Variants in LTA4H observed in about 807,000 individuals in gnomAD.
LTA4H encodes leukotriene A-4 hydrolase.
Under a neutral mutation model 89.8 loss-of-function variants are expected in LTA4H, and 59 were observed. That is an observed-to-expected ratio of 0.66 (90% CI 0.53 to 0.82). The LOEUF is 0.82. Ranked by LOEUF, LTA4H falls within the 40% of genes least tolerant of loss-of-function variation. The pLI is 0.00. For missense variants in LTA4H, 617 were observed against 727.0 expected, an observed-to-expected ratio of 0.85 and a Z score of 1.74; for synonymous variants, 227 against 253.1, an observed-to-expected ratio of 0.90 and a Z score of 0.98.
At chr12:96,017,192 G>T in intron 9 of LTA4H, 78 bp from the exon 10 acceptor site, 2 of 986,190 alleles carry the variant, frequency 2.0e-6, no homozygotes, top group Non-Finnish European at 3.1e-6. Flanking sequence ...AACACTCCAT[G>T]TTATTCAATT....
chr12:96,028,423 GTAGATCACCC>G (rs1950536060), intron 2 of LTA4H, among the ~76,000 whole-genome samples: 1 of 152,120 alleles, frequency 6.6e-6, no homozygotes, highest in African/African-American at 2.4e-5. Context: ...AACAACTGGG[GTAGATCACCC>G]TTGTTCTAGG....
Position 96,029,054 on chromosome 12 carries a change from C to G in LTA4H, c.290+1G>C. 1 of 1,573,918 alleles carries G rather than the reference C, an allele frequency of 6.4e-7. No individual in the cohort carries two copies. Among genetic ancestry groups the G allele is most frequent in the Non-Finnish European group, 8.6e-7 (1 of 1,163,930 alleles). ...AAAGAGAAAGATCATAACATTCATA[C>G]TTGCTCAAAGCGATAGGAAGAGAGA... is the stretch of plus-strand genomic sequence containing the variant. On this transcript the variant is annotated splice_donor_variant, in intron 2 of 18. Transcript: ENST00000228740. LOFTEE classifies it high-confidence loss of function.
upstream of LTA4H, among the ~76,000 whole-genome samples, chr12:96,036,052 CTGTCACGCGGGAGA>C (rs1950640988): frequency 6.6e-6 from 1 of 152,324 alleles, no homozygotes; most frequent in Admixed American, 6.5e-5. Context: ...GTATCCCCGC[CTGTCACGCGGGAGA>C]CCGGGGTTCG....
intron 1 of LTA4H, chr12:96,043,166 G>A (rs913225663): frequency 1.2e-5 from 8 of 664,406 alleles, no homozygotes; most frequent in Non-Finnish European, 1.8e-5. Flanking sequence ...ACTCCCTGAC[G>A]CAACCTGCAG....
intron 6 of LTA4H, among the ~76,000 whole-genome samples, chr12:96,019,899 GTT>G (rs748833448): frequency 5.0e-4 from 60 of 120,870 alleles, no homozygotes; most frequent in Non-Finnish European, 6.9e-4. Context: ...CACGCCCAGC[GTT>G]TTTTTTTTTT....
intron 10 of LTA4H, among the ~76,000 whole-genome samples, chr12:96,016,842 A>G (rs1269481510): frequency 1.3e-5 from 2 of 151,738 alleles, no homozygotes; most frequent in African/African-American, 4.8e-5. Flanking sequence ...CAGAGCTTGC[A>G]GTGAGCTAGA....
intron 1 of LTA4H, among the ~76,000 whole-genome samples, chr12:96,041,634 A>G (rs962794959): frequency 6.6e-6 from 1 of 152,096 alleles, no homozygotes; most frequent in Non-Finnish European, 1.5e-5. Context: ...TCAAAGTAGT[A>G]TAAACCCCCA....
chr12:96,013,117 C>G, intron 14 of LTA4H, 71 bp downstream of exon 14: 1 of 1,197,666 alleles, frequency 8.3e-7, no homozygotes, highest in South Asian at 1.2e-5. Flanking sequence ...GCATACTATT[C>G]TTTCAGATAT....
At chr12:96,038,780 T>C (rs1265029632), upstream of LTA4H, among the ~76,000 whole-genome samples, 2 of 147,560 alleles carry the variant, frequency 1.4e-5, no homozygotes, top group Non-Finnish European at 3.0e-5. Context: ...CTTATTTATC[T>C]AGTATGGAGA....
At chr12:96,019,464 A>G (rs528562535) in intron 6 of LTA4H, among the ~76,000 whole-genome samples, 18 of 152,272 alleles carry the variant, frequency 1.2e-4, no homozygotes, top group African/African-American at 3.6e-4. Context: ...GGCCAAAGGA[A>G]AAAAACCAAG....
intron 2 of LTA4H, among the ~76,000 whole-genome samples, 171 bp downstream of exon 2, chr12:96,028,884 A>G (rs893284587): frequency 6.6e-6 from 1 of 152,232 alleles, no homozygotes; most frequent in Admixed American, 6.5e-5. Context: ...TTAAGTATAT[A>G]TAATTTTAAC....
intron 14 of LTA4H, chr12:96,011,494 C>T (rs1014041225): frequency 3.1e-4 from 47 of 152,188 alleles, no homozygotes; most frequent in African/African-American, 1.0e-3. Flanking sequence ...CTACAGTTTA[C>T]TTCTTGTATT....
chr12:96,041,799 G>A (rs760317157), intron 1 of LTA4H, among the ~76,000 whole-genome samples: 33 of 151,778 alleles, frequency 2.2e-4, no homozygotes, highest in Non-Finnish European at 3.5e-4. Flanking sequence ...CCGCCACCAC[G>A]CCCAGCTAAT....
At chr12:96,020,638 AAATT>A (rs1427388884) in intron 6 of LTA4H, 1 of 161,598 alleles carries the variant, frequency 6.2e-6, no homozygotes, top group Non-Finnish European at 1.3e-5. Context: ...AATGAACAAA[AAATT>A]AAGAAGGAAG....
rs752358414 is a variant in LTA4H at position 96,001,071 on chromosome 12, G to C, written c.1754C>G (p.Ala585Gly). Residue 585 changes from alanine (A) to glycine (G), a missense_variant, in exon 19 of 19, where the codon GCT (alanine) becomes GGT (glycine). This residue lies in a region of LTA4H where 290 missense variants were observed against 339.1 expected (regional missense o/e 0.86). Coordinates refer to ENST00000228740, the MANE Select transcript of LTA4H (RefSeq NM_000895.3). ...TTTGTGCTCTTGGTAGGTTCGGACA[G>C]CTTGATCATGGGATTTGTCAAAGGC... is the stretch of plus-strand genomic sequence containing the variant. Reference protein sequence around the residue: ...LAAFDKSHDQAVRTYQEHKAS... With the variant: ...LAAFDKSHDQGVRTYQEHKAS... 1 of 1,613,966 alleles carries C rather than the reference G, an allele frequency of 6.2e-7. No homozygotes were observed. Among genetic ancestry groups the C allele is most frequent in the Non-Finnish European group, 8.5e-7 (1 of 1,179,944 alleles).
At chr12:96,016,052 G>A (rs766271945) in intron 10 of LTA4H, among the ~76,000 whole-genome samples, 12 of 152,152 alleles carry the variant, frequency 7.9e-5, no homozygotes, top group Non-Finnish European at 1.3e-4. Flanking sequence ...GGTGGCCCAC[G>A]CCTGTAATCC....
At position 96,022,059 on chromosome 12, in the gene LTA4H, T is replaced by C; in HGVS notation, c.585+88A>G. The C allele has an allele frequency of 1.3e-6, 1 of 765,394 alleles. No individual in the cohort carries two copies. The highest frequency in any genetic ancestry group is 2.2e-6 in the Non-Finnish European group (1 of 454,900). 47.4% of individuals were successfully genotyped at this position (765,394 alleles called of 1,614,324 possible). A position where few individuals can be genotyped will look rare whatever the true frequency, so the allele number is the denominator to read the frequency against. On this transcript the variant is annotated intron_variant, in intron 5 of 18. Coordinates refer to ENST00000228740, the MANE Select transcript of LTA4H (RefSeq NM_000895.3). The surrounding 1 kb of genome is among the most constrained non-coding windows in gnomAD (Gnocchi z 4.0). ...AGCTGTTCTCAAAATTCTGAAATAT[T>C]TCAAAAGTAATTTTGCCCTCTGGAT...
At chr12:96,037,844 C>T (rs115168395), upstream of LTA4H, among the ~76,000 whole-genome samples, 1 of 152,110 alleles carries the variant, frequency 6.6e-6, no homozygotes, top group Non-Finnish European at 1.5e-5. Context: ...GTCACCAAGA[C>T]CGACTAATTT....
chr12:96,042,777 A>T (rs1950697646), intron 1 of LTA4H, among the ~76,000 whole-genome samples: 1 of 152,208 alleles, frequency 6.6e-6, no homozygotes, highest in South Asian at 2.1e-4. Flanking sequence ...ACAGAAATAA[A>T]AACTCGCTTC....
Sources: allele counts gnomAD v4.1 joint callset (sites outside exome capture counted in the v4.1 genomes callset), GRCh38; gene constraint gnomAD v4.1.1; regional missense constraint gnomAD v4.1.1; non-coding constraint Gnocchi (gnomAD v3.1); transcripts MANE v1.5; gene names NCBI Gene and HGNC (gene_info 2026-07-23, HGNC 2026-07-21).